The following GRIK4 variants were observed in gnomAD, a reference collection of about 807,000 sequenced individuals.
GRIK4 encodes glutamate ionotropic receptor kainate type subunit 4, also known as glutamate receptor ionotropic, kainate 4.
GRIK4 carries 40 observed loss-of-function variants against 104.9 expected under a neutral mutation model. That is an observed-to-expected ratio of 0.38 (90% CI 0.30 to 0.50). GRIK4 has a LOEUF of 0.50. GRIK4 is among the 20% of genes least tolerant of loss of function. The probability of loss-of-function intolerance (pLI) is 0.93; values close to 1 mark genes in which losing one functional copy is unlikely to be tolerated. For synonymous variants in GRIK4, 485 were observed against 524.9 expected (o/e 0.92, Z 1.04); for missense variants, 1,047 against 1,308.1 (o/e 0.80, Z 3.08).
In GRIK4 at chr11:120,918,928, C is replaced by T. The variant is rs138604243; in HGVS notation, c.1476+13435C>T. Among the ~76,000 whole-genome samples the T allele has an allele frequency of 4.6e-5, 7 of 152,134 alleles. No homozygotes were observed. In the East Asian group the frequency reaches 7.7e-4, roughly 17 times the overall value. The stretch of plus-strand genomic sequence containing the variant: ...ATTTCCTCTCCACATAACAATCTTA[C>T]GTGATAAATATTATTATTCATATTT... On this transcript the variant is annotated intron_variant, in intron 13 of 20. Coordinates refer to ENST00000527524, the MANE Select transcript of GRIK4 (RefSeq NM_014619.5).
chr11:120,972,669 A>T (rs1944494379), intron 19 of GRIK4, among the ~76,000 whole-genome samples: 1 of 152,198 alleles, frequency 6.6e-6, no homozygotes, highest in African/African-American at 2.4e-5. Context: ...GGAGAGAGGC[A>T]GATATCACTC....
intron 3 of GRIK4, among the ~76,000 whole-genome samples, chr11:120,712,763 C>T (rs1212705314): frequency 6.6e-6 from 1 of 152,228 alleles, no homozygotes; most frequent in African/African-American, 2.4e-5. Context: ...CCTCCTGGGC[C>T]TAGAGAAGGA....
At chr11:120,853,362 A>T (rs775118735) in intron 8 of GRIK4, among the ~76,000 whole-genome samples, 16 of 152,208 alleles carry the variant, frequency 1.1e-4, no homozygotes, top group Non-Finnish European at 2.1e-4. Flanking sequence ...CTCCAGCAAT[A>T]ACATGGAGAA....
intron 11 of GRIK4, among the ~76,000 whole-genome samples, chr11:120,891,924 C>T (rs1383017640): frequency 6.6e-6 from 1 of 152,166 alleles, no homozygotes; most frequent in Non-Finnish European, 1.5e-5. Context: ...TTAGACTTTG[C>T]AGGTCACATG....
chr11:120,721,283 G>A (rs906450327), intron 3 of GRIK4, among the ~76,000 whole-genome samples: 1 of 152,152 alleles, frequency 6.6e-6, no homozygotes, highest in African/African-American at 2.4e-5. Flanking sequence ...TGTGGATGAG[G>A]CATCTGGTTG....
intron 1 of GRIK4, among the ~76,000 whole-genome samples, chr11:120,652,932 G>A (rs548807340): frequency 5.9e-5 from 9 of 152,230 alleles, no homozygotes; most frequent in Non-Finnish European, 1.3e-4. Context: ...TGCAGGTGGT[G>A]CCTGTCTGTG....
intron 3 of GRIK4, among the ~76,000 whole-genome samples, chr11:120,783,802 C>T (rs1399235905): frequency 6.6e-6 from 1 of 152,142 alleles, no homozygotes; most frequent in Non-Finnish European, 1.5e-5. Context: ...GAAAAGAATA[C>T]CAAAGCAGGT....
At chr11:120,921,595 GC>G (rs1943229176) in intron 13 of GRIK4, among the ~76,000 whole-genome samples, 1 of 138,510 alleles carries the variant, frequency 7.2e-6, no homozygotes, top group Non-Finnish European at 1.7e-5. Flanking sequence ...TGTGATCCCT[GC>G]CTCCCGCTCC....
At chr11:120,778,213 C>A (rs1181384169) in intron 3 of GRIK4, among the ~76,000 whole-genome samples, 1 of 152,156 alleles carries the variant, frequency 6.6e-6, no homozygotes, top group African/African-American at 2.4e-5. Flanking sequence ...ATTTCACGTC[C>A]CCACTGCTTA....
At chr11:120,710,598 TCA>T (rs1049704673) in intron 3 of GRIK4, among the ~76,000 whole-genome samples, 3 of 152,270 alleles carry the variant, frequency 2.0e-5, no homozygotes, top group Middle Eastern at 3.4e-3. Context: ...GAGTCTTTCT[TCA>T]CAGATTGGAA....
chr11:120,578,896 G>T (rs1458888520), intron 1 of GRIK4, among the ~76,000 whole-genome samples: 1 of 152,310 alleles, frequency 6.6e-6, no homozygotes, highest in East Asian at 1.9e-4. Flanking sequence ...TGGGTGGCTG[G>T]GTTTGAGCCC....
chr11:120,839,705 A>C (rs2135579195), intron 8 of GRIK4, among the ~76,000 whole-genome samples: 1 of 152,340 alleles, frequency 6.6e-6, no homozygotes, highest in East Asian at 1.9e-4. Flanking sequence ...TGACCATTGT[A>C]GGGTTTATTT....
intron 1 of GRIK4, among the ~76,000 whole-genome samples, chr11:120,622,460 G>A (rs1385140787): frequency 6.6e-6 from 1 of 152,184 alleles, no homozygotes; most frequent in Non-Finnish European, 1.5e-5. Flanking sequence ...ATGTTTTTGA[G>A]CAAGACTCAC....
At position 120,699,644 on chromosome 11, in the gene GRIK4, G is replaced by A. The variant is rs117619307; in HGVS notation, c.82+39244G>A. Among the ~76,000 whole-genome samples, 243 of 152,152 alleles carry A rather than the reference G, an allele frequency of 1.6e-3. 1 individual carries two copies. The highest frequency in any genetic ancestry group is 2.9e-3 in the Non-Finnish European group (194 of 68,002). On this transcript the variant is annotated intron_variant, in intron 3 of 20. Transcript: ENST00000527524. ...AAAATAAAGCAGGAAAGGTGATAGG[G>A]AATGTCCAAGGGTGTTAACATTGTA... is the stretch of plus-strand genomic sequence containing the variant.
chr11:120,797,929 C>G (rs1365284625), intron 3 of GRIK4, among the ~76,000 whole-genome samples: 1 of 152,178 alleles, frequency 6.6e-6, no homozygotes, highest in Non-Finnish European at 1.5e-5. Context: ...TGTGAGCTGA[C>G]TGTATGCTGT....
At chr11:120,959,135 T>G (rs1944232099) in intron 16 of GRIK4, among the ~76,000 whole-genome samples, 1 of 152,212 alleles carries the variant, frequency 6.6e-6, no homozygotes, top group Non-Finnish European at 1.5e-5. Flanking sequence ...ATTACTTCAT[T>G]TTATCTCACA....
chr11:120,679,467 G>C (rs1950156726), intron 3 of GRIK4, among the ~76,000 whole-genome samples: 1 of 152,258 alleles, frequency 6.6e-6, no homozygotes, highest in Non-Finnish European at 1.5e-5. Flanking sequence ...GGAAGGAGCT[G>C]CCAGTGGTCC....
intron 3 of GRIK4, among the ~76,000 whole-genome samples, chr11:120,666,843 A>G (rs534870123): frequency 2.6e-5 from 4 of 152,228 alleles, no homozygotes; most frequent in Non-Finnish European, 4.4e-5. Flanking sequence ...ATATTTCATG[A>G]GAATTTCAAA....
chr11:120,594,571 C>G (rs1025837806), intron 1 of GRIK4, among the ~76,000 whole-genome samples: 2 of 152,234 alleles, frequency 1.3e-5, no homozygotes, highest in Non-Finnish European at 2.9e-5. Flanking sequence ...TCTGGCCCAT[C>G]TAATTCTCCA....
Sources: allele counts gnomAD v4.1 joint callset (sites outside exome capture counted in the v4.1 genomes callset), GRCh38; gene constraint gnomAD v4.1.1; transcripts MANE v1.5; gene names NCBI Gene and HGNC (gene_info 2026-07-23, HGNC 2026-07-21).